Variants in PLPPR5 observed in about 807,000 individuals in gnomAD.
The protein encoded by PLPPR5 is phospholipid phosphatase related 5, also known as phospholipid phosphatase-related protein type 5.
PLPPR5 carries 16 observed loss-of-function variants against 33.9 expected under a neutral mutation model. The observed-to-expected ratio is 0.47, with a 90% CI of 0.32 to 0.72. The LOEUF (loss-of-function observed/expected upper bound fraction) is 0.72. Ranked by LOEUF, PLPPR5 falls within the 30% of genes least tolerant of loss-of-function variation. PLPPR5 has a pLI of 0.03. For missense variants in PLPPR5, 301 were observed against 406.7 expected (o/e 0.74, Z 2.23); for synonymous variants, 163 against 150.3 (o/e 1.08, Z -0.62).
intron 1 of PLPPR5, among the ~76,000 whole-genome samples, chr1:99,002,260 T>C (rs1652876490): frequency 6.6e-6 from 1 of 152,052 alleles, no homozygotes; most frequent in South Asian, 2.1e-4. Context: ...CCAAACCCAT[T>C]CTCTTGTACC....
chr1:98,983,535 C>T (rs1340768893), intron 1 of PLPPR5, among the ~76,000 whole-genome samples: 1 of 150,010 alleles, frequency 6.7e-6, no homozygotes, highest in African/African-American at 2.5e-5. Context: ...GTGAATAATG[C>T]TGCAATAAAC....
intron 1 of PLPPR5, among the ~76,000 whole-genome samples, chr1:98,983,191 C>T (rs1260091402): frequency 2.0e-5 from 3 of 149,980 alleles, no homozygotes; most frequent in East Asian, 4.0e-4. Context: ...CACCCACTAA[C>T]TCGTCATCTA....
chr1:99,005,377 A>T (rs1653050045), upstream of PLPPR5, among the ~76,000 whole-genome samples: 1 of 152,090 alleles, frequency 6.6e-6, no homozygotes, highest in Non-Finnish European at 1.5e-5. Context: ...TCCTTGACCC[A>T]GCCCGGGGCT....
chr1:98,927,954 T>C (rs1649827404), intron 3 of PLPPR5, among the ~76,000 whole-genome samples: 1 of 151,976 alleles, frequency 6.6e-6, no homozygotes, highest in Admixed American at 6.6e-5. Context: ...ATGCTCATAA[T>C]AAAATATTCA....
At chr1:98,974,062 A>C (rs150780928) in intron 1 of PLPPR5, among the ~76,000 whole-genome samples, 1 of 152,128 alleles carries the variant, frequency 6.6e-6, no homozygotes, top group African/African-American at 2.4e-5. Flanking sequence ...GCACATGCAA[A>C]TAATGAGGAG....
chr1:98,960,680 G>A (rs140630373), intron 1 of PLPPR5, among the ~76,000 whole-genome samples: 109 of 152,292 alleles, frequency 7.2e-4, no homozygotes, highest in African/African-American at 2.5e-3. Context: ...AGGTTGCATA[G>A]GCTGAGCTTT....
At chr1:98,915,943 T>C (rs1649328583) in intron 4 of PLPPR5, among the ~76,000 whole-genome samples, 1 of 152,228 alleles carries the variant, frequency 6.6e-6, no homozygotes, top group Non-Finnish European at 1.5e-5. Flanking sequence ...TCTTGAGTTT[T>C]ATTTTCTGTG....
Position 98,956,621 on chromosome 1 carries a change from C to G in PLPPR5, c.358G>C (p.Val120Leu). ...AATGAACACATACCAAGAAATCGGA[C>G]AGTTCGGCGCACCAGCGGGTTTATA... The part of the protein sequence containing the change: ...CYINPLVRRT[V>L]RFLGIYTFGL... Residue 120 changes from valine (V) to leucine (L), a missense_variant, in exon 2 of 6, where the codon GTC (valine) becomes CTC (leucine). Physicochemically the swap from Val to Leu is conservative, Grantham distance 32. Coordinates refer to ENST00000263177, the MANE Select transcript of PLPPR5 (RefSeq NM_001037317.2). 1 of 1,579,022 alleles carries G rather than the reference C, an allele frequency of 6.3e-7. No individual in the cohort carries two copies. The highest frequency in any genetic ancestry group is 1.2e-5 in the South Asian group (1 of 83,256).
At chr1:98,962,619 T>C (rs1403881814) in intron 1 of PLPPR5, among the ~76,000 whole-genome samples, 1 of 152,162 alleles carries the variant, frequency 6.6e-6, no homozygotes, top group Non-Finnish European at 1.5e-5. Flanking sequence ...ATTGGTTTAT[T>C]GAAAGCAAAT....
chr1:98,914,656 A>G (rs1311852575), intron 5 of PLPPR5, 130 bp downstream of exon 5: 31 of 811,354 alleles, frequency 3.8e-5, no homozygotes, highest in Non-Finnish European at 5.2e-5. Context: ...TAGTGGCTAA[A>G]TTCTTGCTAA....
chr1:98,957,118 T>C (rs947900578), intron 1 of PLPPR5, among the ~76,000 whole-genome samples: 1 of 144,384 alleles, frequency 6.9e-6, no homozygotes, highest in South Asian at 2.2e-4. Flanking sequence ...TTCTCACTCA[T>C]AGGTGGGAAG....
chr1:98,960,904 A>T (rs1012543871), intron 1 of PLPPR5, among the ~76,000 whole-genome samples: 1 of 152,220 alleles, frequency 6.6e-6, no homozygotes, highest in Non-Finnish European at 1.5e-5. Context: ...CTAGCCAATG[A>T]CTAAGCATGG....
chr1:98,964,665 C>A (rs1454846797), intron 1 of PLPPR5, among the ~76,000 whole-genome samples: 1 of 152,198 alleles, frequency 6.6e-6, no homozygotes, highest in Non-Finnish European at 1.5e-5. Context: ...AAGCACCTGT[C>A]TGTTCCCAGT....
At chr1:98,977,638 TTGAACCTTATC>T (rs1162680016) in intron 1 of PLPPR5, among the ~76,000 whole-genome samples, 1 of 151,216 alleles carries the variant, frequency 6.6e-6, no homozygotes, top group Non-Finnish European at 1.5e-5. Flanking sequence ...TGTGAATGTA[TTGAACCTTATC>T]TGGTTCCTCA....
At chr1:98,919,616 A>G (rs1459597852) in intron 4 of PLPPR5, among the ~76,000 whole-genome samples, 45 of 151,662 alleles carry the variant, frequency 3.0e-4, no homozygotes, top group Admixed American at 3.0e-3. Context: ...AAACCATTCC[A>G]CCTCCTAAAT....
Position 98,953,304 on chromosome 1 carries a change from T to C in PLPPR5, c.387A>G (p.Gly129=). ...TVRFLGIYTF[G]LFATDIFVNA... is the part of the protein sequence containing the mutation. Reference sequence around the variant, plus strand: ...TTACAAAGATATCTGTAGCAAACAGTCCAAATGTATAAATTCCTGGGGAAG... The same window carrying C: ...TTACAAAGATATCTGTAGCAAACAGCCCAAATGTATAAATTCCTGGGGAAG... The change falls in exon 3 of 6, where the codon GGA becomes GGG. Residue 129 remains glycine, a synonymous_variant. Transcript: ENST00000263177. 1 of 1,613,664 alleles carries C rather than the reference T, an allele frequency of 6.2e-7. No individual in the cohort carries two copies. Among genetic ancestry groups the C allele is most frequent in the Non-Finnish European group, 8.5e-7 (1 of 1,179,926 alleles).
intron 3 of PLPPR5, among the ~76,000 whole-genome samples, chr1:98,926,506 C>T (rs1231146519): frequency 7.0e-6 from 1 of 143,128 alleles, no homozygotes; most frequent in Admixed American, 7.1e-5. Context: ...GTTTTAATAA[C>T]TTCATAGCAT....
chr1:98,898,103 T>C (rs968785610), intron 5 of PLPPR5, among the ~76,000 whole-genome samples: 2 of 152,170 alleles, frequency 1.3e-5, no homozygotes, highest in African/African-American at 4.8e-5. Flanking sequence ...AAAATGTTTC[T>C]TTTAAGATTG....
At chr1:98,956,128 T>C (rs1015901631) in intron 2 of PLPPR5, among the ~76,000 whole-genome samples, 5 of 152,144 alleles carry the variant, frequency 3.3e-5, no homozygotes, top group African/African-American at 1.2e-4. Context: ...TCCTTCGTGA[T>C]GTTCGACAAC....
Sources: gnomAD v4.1 joint callset for allele counts (sites outside exome capture counted in the v4.1 genomes callset) on GRCh38, gnomAD v4.1.1 for gene constraint, MANE v1.5 for transcripts, NCBI Gene and HGNC (gene_info 2026-07-23, HGNC 2026-07-21) for gene names.